Variants in GRIN2A observed in about 807,000 individuals in gnomAD.
GRIN2A encodes glutamate ionotropic receptor NMDA type subunit 2A.
GRIN2A carries 22 observed loss-of-function variants against 113.4 expected under a neutral mutation model. That is an observed-to-expected ratio of 0.19 (90% CI 0.14 to 0.28). The LOEUF (loss-of-function observed/expected upper bound fraction) is 0.28, where lower values mean the gene tolerates loss of function less well. GRIN2A is among the 10% of genes least tolerant of loss of function. The pLI, the probability that GRIN2A is intolerant of heterozygous loss-of-function variation, is 1.00. For synonymous variants in GRIN2A, 827 were observed against 738.4 expected (o/e 1.12, Z -1.94); for missense variants, 1,502 against 1,887.0 (o/e 0.80, Z 3.78).
chr16:9,826,533 AAAAC>A (rs1166532914), intron 9 of GRIN2A, among the ~76,000 whole-genome samples: 3 of 152,298 alleles, frequency 2.0e-5, no homozygotes, highest in East Asian at 3.9e-4. Context: ...AAACAACAAA[AAAAC>A]AAAAACAAAA....
At chr16:9,955,720 C>A (rs186112218) in intron 2 of GRIN2A, among the ~76,000 whole-genome samples, 1 of 152,240 alleles carries the variant, frequency 6.6e-6, no homozygotes, top group African/African-American at 2.4e-5. Context: ...AAGCCTAATT[C>A]CATTTTTGGT....
chr16:10,151,839 T>G (rs1407969017), intron 2 of GRIN2A, among the ~76,000 whole-genome samples: 1 of 152,052 alleles, frequency 6.6e-6, no homozygotes, highest in African/African-American at 2.4e-5. Context: ...AGAATCTGAG[T>G]CACCAAAACA....
intron 1 of GRIN2A, among the ~76,000 whole-genome samples, chr16:10,181,225 TCACA>T (rs1053338858): frequency 6.6e-6 from 1 of 151,878 alleles, no homozygotes; most frequent in Admixed American, 6.6e-5. Context: ...ACACACATGT[TCACA>T]CACACACACC....
intron 9 of GRIN2A, among the ~76,000 whole-genome samples, chr16:9,825,488 T>G (rs886845396): frequency 6.6e-6 from 1 of 152,168 alleles, no homozygotes; most frequent in Admixed American, 6.5e-5. Flanking sequence ...TATTTGATGA[T>G]GGAGGAGGTA....
chr16:10,071,862 T>G (rs2047759695), intron 2 of GRIN2A, among the ~76,000 whole-genome samples: 1 of 152,192 alleles, frequency 6.6e-6, no homozygotes, highest in African/African-American at 2.4e-5. Flanking sequence ...TTGTTTAATT[T>G]TTAAGACAAC....
intron 11 of GRIN2A, among the ~76,000 whole-genome samples, chr16:9,780,582 T>C (rs923764161): frequency 2.6e-5 from 4 of 152,360 alleles, no homozygotes; most frequent in Non-Finnish European, 5.9e-5. Context: ...GCATGGGCCA[T>C]GAGGAAGCTT....
At position 9,809,810 on chromosome 16, in the gene GRIN2A, G is replaced by A. The variant is rs138323808; in HGVS notation, c.2169-11346C>T. 1.2e-3 allele frequency among the ~76,000 whole-genome samples: 182 copies of A among 152,358 alleles called. 1 individual carries two copies. Among genetic ancestry groups the A allele is most frequent in the African/African-American group, 4.1e-3 (171 of 41,574 alleles). On this transcript the variant is annotated intron_variant, in intron 10 of 12. Transcript: ENST00000330684. ...GGGCCGGGTGTGGTGGCTCATGCCAGTAATCCCAACACTTTGGGAGGCTGA... is the reference window on the plus strand; with the variant it reads ...GGGCCGGGTGTGGTGGCTCATGCCAATAATCCCAACACTTTGGGAGGCTGA...
chr16:9,973,013 T>C (rs2045704503), intron 2 of GRIN2A, among the ~76,000 whole-genome samples: 1 of 152,202 alleles, frequency 6.6e-6, no homozygotes, highest in South Asian at 2.1e-4. Flanking sequence ...GTTAAAATTG[T>C]CCTCCTGCTG....
intron 3 of GRIN2A, among the ~76,000 whole-genome samples, chr16:9,936,638 T>C (rs930952880): frequency 6.6e-6 from 1 of 152,206 alleles, no homozygotes; most frequent in Non-Finnish European, 1.5e-5. Context: ...ACCTAAAATT[T>C]AACTTAAATG....
intron 2 of GRIN2A, among the ~76,000 whole-genome samples, chr16:10,015,252 C>CAAAAAAAAAAAA (rs200124835): frequency 1.8e-3 from 34 of 19,228 alleles, no homozygotes; most frequent in East Asian, 4.0e-3. Context: ...GACTTCATCT[C>CAAAAAAAAAAAA]AAAAAAAAAA....
At position 9,970,701 on chromosome 16, in the gene GRIN2A, G is replaced by C. The variant is rs144166249; in HGVS notation, c.415-32150C>G. 3.5e-4 allele frequency: 288 copies of C among 826,420 alleles called. 1 individual carries two copies. Among genetic ancestry groups the C allele is most frequent in the Middle Eastern group, 1.3e-3 (2 of 1,572 alleles). The allele number at this position is 826,420 out of a possible 1,614,324, so 51.2% of individuals were successfully genotyped here. On this transcript the variant is annotated intron_variant, in intron 2 of 12. Transcript: ENST00000330684. ...CTCTGATGAGCTAGACACAAAGTTA[G>C]GTACTGAAGATAAAATAAATAAAGC...
Position 9,841,092 on chromosome 16 carries a change from A to C in GRIN2A, c.1341T>G (p.Asn447Lys). The C allele has an allele frequency of 6.2e-7, 1 of 1,613,384 alleles. No individual in the cohort carries two copies. The change falls in exon 6 of 13, where the codon AAT becomes AAG. Residue 447 changes from asparagine to lysine, a missense_variant. Asn to Lys is a moderately conservative substitution (Grantham distance 94). Coordinates refer to ENST00000330684, the MANE Select transcript of GRIN2A (RefSeq NM_001134407.3). The stretch of plus-strand genomic sequence containing the variant: ...AGCATTTCTTCACATTCATCCCCTC[A>C]TTGGTTGAATTGCTGTAAAGAAAAA... ...RKFVKINNSTNEGMNVKKCCK... is the reference protein window; with the variant it reads ...RKFVKINNSTKEGMNVKKCCK...
chr16:10,098,304 T>C (rs937380001), intron 2 of GRIN2A, among the ~76,000 whole-genome samples: 19 of 152,044 alleles, frequency 1.2e-4, no homozygotes, highest in Admixed American at 4.6e-4. Context: ...ATTAAAAAAA[T>C]AGACATTGGC....
chr16:10,118,001 AGCACATG>A (rs2048761157), intron 2 of GRIN2A, among the ~76,000 whole-genome samples: 1 of 152,138 alleles, frequency 6.6e-6, no homozygotes, highest in South Asian at 2.1e-4. Flanking sequence ...TGCAGAGATG[AGCACATG>A]GCACTGGACC....
At chr16:9,972,833 G>C (rs2045699686) in intron 2 of GRIN2A, among the ~76,000 whole-genome samples, 1 of 152,190 alleles carries the variant, frequency 6.6e-6, no homozygotes, top group Admixed American at 6.5e-5. Flanking sequence ...TTGCAATAGA[G>C]AAAGAGTAAT....
At chr16:9,888,092 C>G (rs554062003) in intron 4 of GRIN2A, among the ~76,000 whole-genome samples, 269 of 152,276 alleles carry the variant, frequency 1.8e-3, no homozygotes, top group African/African-American at 5.8e-3. Context: ...AGGTGCACAC[C>G]ACCATGCCCA....
intron 2 of GRIN2A, among the ~76,000 whole-genome samples, chr16:10,034,535 C>CA (rs58076569): frequency 0.023 from 822 of 36,418 alleles, 51 homozygotes; most frequent in Middle Eastern, 0.029. Context: ...CAAAAAAAAG[C>CA]AAAAAAAAAA....
At chr16:9,946,602 G>A (rs55941262) in intron 2 of GRIN2A, among the ~76,000 whole-genome samples, 18,309 of 152,096 alleles carry the variant, frequency 0.12, 1,642 homozygotes, top group East Asian at 0.4. Flanking sequence ...TTCCCCCTGA[G>A]AGCCCTCATT....
intron 2 of GRIN2A, among the ~76,000 whole-genome samples, chr16:10,090,814 T>C (rs1323198491): frequency 6.6e-6 from 1 of 152,130 alleles, no homozygotes; most frequent in Admixed American, 6.5e-5. Flanking sequence ...ATCAAAAATA[T>C]ATAAAGAACT....
Sources: allele counts gnomAD v4.1 joint callset (sites outside exome capture counted in the v4.1 genomes callset), GRCh38; gene constraint gnomAD v4.1.1; transcripts MANE v1.5; gene names NCBI Gene and HGNC (gene_info 2026-07-23, HGNC 2026-07-21).